SH3GL1: variants seen among roughly 807,000 people sequenced by gnomAD.
SH3GL1 encodes SH3 domain containing GRB2 like 1, endophilin A2.
SH3GL1 carries 21 observed loss-of-function variants against 48.8 expected under a neutral mutation model. The ratio of observed to expected loss-of-function variants is 0.43; its 90% CI spans 0.30 to 0.62. SH3GL1 has a LOEUF of 0.62. Ranked by LOEUF, SH3GL1 falls within the 20% of genes least tolerant of loss-of-function variation. The pLI is 0.11. For synonymous variants in SH3GL1, 282 were observed against 217.5 expected, an observed-to-expected ratio of 1.30 and a Z score of -2.61; for missense variants, 454 against 503.0, an observed-to-expected ratio of 0.90 and a Z score of 0.93.
At chr19:4,397,797 G>A (rs1599626175) in intron 1 of SH3GL1, among the ~76,000 whole-genome samples, 1 of 152,182 alleles carries the variant, frequency 6.6e-6, no homozygotes, top group Non-Finnish European at 1.5e-5. Context: ...CTGGGGTGTA[G>A]AGATAGACCC....
chr19:4,375,529 A>T (rs1972990352), intron 1 of SH3GL1, among the ~76,000 whole-genome samples: 1 of 152,170 alleles, frequency 6.6e-6, no homozygotes, highest in Non-Finnish European at 1.5e-5. Flanking sequence ...GGGCTCAGCT[A>T]TGTGGGACAC....
At chr19:4,392,290 G>A (rs185555644) in intron 1 of SH3GL1, among the ~76,000 whole-genome samples, 7 of 152,222 alleles carry the variant, frequency 4.6e-5, no homozygotes, top group African/African-American at 1.7e-4. Flanking sequence ...ACTTTGGGAG[G>A]CAAGGCAGGG....
At chr19:4,363,913 C>A (rs375994081) in intron 5 of SH3GL1, 35 bp from the exon 6 acceptor site, 1 of 1,611,334 alleles carries the variant, frequency 6.2e-7, no homozygotes, top group South Asian at 1.1e-5. Context: ...ACACCAGTAG[C>A]GGCCAGAGGG....
chr19:4,381,904 A>G (rs528743276), intron 1 of SH3GL1, among the ~76,000 whole-genome samples: 158 of 151,868 alleles, frequency 1.0e-3, no homozygotes, highest in African/African-American at 3.5e-3. Flanking sequence ...CATGTTAGCC[A>G]GGATGGTCTC....
chr19:4,382,382 C>A (rs1004989284), intron 1 of SH3GL1, among the ~76,000 whole-genome samples: 1 of 151,650 alleles, frequency 6.6e-6, no homozygotes, highest in Non-Finnish European at 1.5e-5. Context: ...CTCAGCCTCC[C>A]GAGTAGCTGG....
chr19:4,377,964 C>T (rs1973044521), intron 1 of SH3GL1, among the ~76,000 whole-genome samples: 1 of 152,198 alleles, frequency 6.6e-6, no homozygotes, highest in Non-Finnish European at 1.5e-5. Flanking sequence ...GCCCCTTCTG[C>T]CCCGCTGTGG....
intron 1 of SH3GL1, among the ~76,000 whole-genome samples, chr19:4,384,384 C>T (rs534533017): frequency 8.5e-5 from 13 of 152,324 alleles, no homozygotes; most frequent in Middle Eastern, 3.4e-3. Context: ...TTTACGAGTG[C>T]GCAACACACG....
intron 1 of SH3GL1, among the ~76,000 whole-genome samples, chr19:4,383,200 G>A (rs1352489865): frequency 2.0e-5 from 3 of 147,886 alleles, no homozygotes; most frequent in African/African-American, 5.0e-5. Flanking sequence ...TTACAGGCAT[G>A]AGCCACCACG....
intron 1 of SH3GL1, among the ~76,000 whole-genome samples, chr19:4,393,936 A>G (rs1021487178): frequency 6.6e-6 from 1 of 152,010 alleles, no homozygotes; most frequent in Non-Finnish European, 1.5e-5. Flanking sequence ...GGTGGGGCCC[A>G]GGATCCCCCG....
At chr19:4,364,274 TGA>T (rs1972711130) in intron 4 of SH3GL1, 53 bp from the exon 5 acceptor site, 1 of 1,608,152 alleles carries the variant, frequency 6.2e-7, no homozygotes, top group African/African-American at 1.3e-5. Context: ...ACCACTAGAC[TGA>T]GACACTCCTC....
chr19:4,364,308 G>C (rs573937980), intron 4 of SH3GL1, 87 bp from the exon 5 acceptor site: 1 of 1,545,408 alleles, frequency 6.5e-7, no homozygotes, highest in Admixed American at 1.7e-5. Flanking sequence ...TTGAAATAGC[G>C]TTTCACAGGC....
intron 1 of SH3GL1, among the ~76,000 whole-genome samples, chr19:4,373,203 G>A (rs962035347): frequency 2.6e-5 from 4 of 152,180 alleles, no homozygotes; most frequent in African/African-American, 7.2e-5. Context: ...GCCCGGCGGC[G>A]AGGAATCAGA....
Position 4,360,540 on chromosome 19 carries a change from C to G in SH3GL1, c.*1060G>C. 1 of 233,744 alleles carries G rather than the reference C, an allele frequency of 4.3e-6. No individual in the cohort carries two copies. The highest frequency in any genetic ancestry group is 8.4e-6 in the Non-Finnish European group (1 of 118,392). 14.5% of individuals were successfully genotyped at this position (233,744 alleles called of 1,614,324 possible). On this transcript the variant is annotated 3_prime_UTR_variant, in exon 10 of 10. Coordinates refer to ENST00000269886, the MANE Select transcript of SH3GL1 (RefSeq NM_003025.4). ...CCTGGGGTCCGGAGGCTTCACTGGA[C>G]CACAGGGGGAGGGGAATGTGAATGT...
chr19:4,362,848 G>T (rs114523768), intron 7 of SH3GL1, 112 bp from the exon 8 acceptor site: 2 of 1,531,366 alleles, frequency 1.3e-6, no homozygotes, highest in African/African-American at 2.7e-5. Context: ...GGAAGAGGCC[G>T]TCAGTGGGGT....
At chr19:4,385,596 C>G (rs1973221214) in intron 1 of SH3GL1, among the ~76,000 whole-genome samples, 1 of 152,210 alleles carries the variant, frequency 6.6e-6, no homozygotes, top group Admixed American at 6.5e-5. Context: ...GGCTGTGCAG[C>G]TGCCCACTAT....
At position 4,389,081 on chromosome 19, in the gene SH3GL1, G is replaced by A. The variant is rs551353124; in HGVS notation, c.45+11243C>T. On this transcript the variant is annotated intron_variant, in intron 1 of 9. Coordinates refer to ENST00000269886, the MANE Select transcript of SH3GL1 (RefSeq NM_003025.4). This position sits in a 1 kb window ranked among gnomAD's most constrained non-coding sequence, Gnocchi z 4.5. ...AGCCACCACCAGGGACACCACAGGG[G>A]CCCTGTGGAGGACAGCCCCTCACTC... is the stretch of plus-strand genomic sequence containing the variant. 3.5e-4 allele frequency among the ~76,000 whole-genome samples: 53 copies of A among 152,294 alleles called. No individual in the cohort carries two copies. Among genetic ancestry groups the A allele is most frequent in the African/African-American group, 1.1e-3 (46 of 41,558 alleles).
Position 4,389,336 on chromosome 19 carries a change from C to T in SH3GL1, c.45+10988G>A, listed in dbSNP as rs977744159. On this transcript the variant is annotated intron_variant, in intron 1 of 9. Transcript: ENST00000269886. The surrounding 1 kb of genome is among the most constrained non-coding windows in gnomAD (Gnocchi z 4.5). ...GGGCTGAGAACTCAGTTCCCACATGCATCCCCGGAAGATGCCAAGGATAAG... is the reference window on the plus strand; with the variant it reads ...GGGCTGAGAACTCAGTTCCCACATGTATCCCCGGAAGATGCCAAGGATAAG... Among the ~76,000 whole-genome samples the T allele has an allele frequency of 7.2e-5, 11 of 152,224 alleles. No homozygotes were observed. Among genetic ancestry groups the T allele is most frequent in the Non-Finnish European group, 1.3e-4 (9 of 68,044 alleles).
chr19:4,368,625 G>A (rs1035991447), intron 1 of SH3GL1, among the ~76,000 whole-genome samples: 12 of 152,164 alleles, frequency 7.9e-5, no homozygotes, highest in African/African-American at 2.7e-4. Context: ...CCTCACCCAC[G>A]CATCGGGACC....
intron 1 of SH3GL1, among the ~76,000 whole-genome samples, chr19:4,370,558 G>C (rs1020930434): frequency 2.0e-5 from 3 of 152,200 alleles, no homozygotes; most frequent in African/African-American, 7.2e-5. Context: ...GACGGGGTCA[G>C]AGTACCAGCT....
Sources: gnomAD v4.1 joint callset for allele counts (sites outside exome capture counted in the v4.1 genomes callset) on GRCh38, gnomAD v4.1.1 for gene constraint, Gnocchi (gnomAD v3.1) non-coding constraint, MANE v1.5 for transcripts, NCBI Gene and HGNC (gene_info 2026-07-23, HGNC 2026-07-21) for gene names.